Variants in RNGTT observed in about 807,000 individuals in gnomAD.
The protein encoded by RNGTT is RNA guanylyltransferase and 5'-phosphatase, also known as mRNA-capping enzyme.
In RNGTT, 33 loss-of-function variants were observed where a neutral mutation model predicts 79.3. The observed-to-expected ratio is 0.42, with a 90% CI of 0.32 to 0.56. The LOEUF (loss-of-function observed/expected upper bound fraction) is 0.56, where lower values mean the gene tolerates loss of function less well. Ranked by LOEUF, RNGTT falls within the 20% of genes least tolerant of loss-of-function variation. RNGTT has a pLI of 0.17. For synonymous variants in RNGTT, 222 were observed against 235.9 expected (o/e 0.94, Z 0.54); for missense variants, 497 against 739.1 (o/e 0.67, Z 3.80).
chr6:88,951,749 A>G (rs1239067843), intron 1 of RNGTT, among the ~76,000 whole-genome samples: 1 of 152,210 alleles, frequency 6.6e-6, no homozygotes, highest in Non-Finnish European at 1.5e-5. Context: ...AGCAGCAGGA[A>G]GAGCCTTGTA....
chr6:88,789,301 C>T (rs1779327542), intron 12 of RNGTT, among the ~76,000 whole-genome samples: 1 of 152,144 alleles, frequency 6.6e-6, no homozygotes, highest in South Asian at 2.1e-4. Context: ...TACACTCACG[C>T]CTGTAATCTC....
chr6:88,956,023 A>G (rs1785418570), intron 1 of RNGTT, among the ~76,000 whole-genome samples: 1 of 141,318 alleles, frequency 7.1e-6, no homozygotes, highest in Admixed American at 7.1e-5. Context: ...CCTGGGTGAC[A>G]GAGCGAGACT....
chr6:88,617,867 T>A (rs950682604), intron 14 of RNGTT, among the ~76,000 whole-genome samples: 9 of 146,134 alleles, frequency 6.2e-5, no homozygotes, highest in African/African-American at 2.0e-4. Flanking sequence ...ACTGCTTAAT[T>A]AAAAAAAAAA....
chr6:88,952,572 A>G (rs1785286489), intron 1 of RNGTT, among the ~76,000 whole-genome samples: 1 of 152,244 alleles, frequency 6.6e-6, no homozygotes, highest in African/African-American at 2.4e-5. Context: ...AATAACAGCT[A>G]ATATACCACT....
intron 11 of RNGTT, among the ~76,000 whole-genome samples, chr6:88,806,575 A>C (rs1779963063): frequency 6.6e-6 from 1 of 152,078 alleles, no homozygotes; most frequent in Non-Finnish European, 1.5e-5. Context: ...TCGGCCTCCT[A>C]AAGTGCTGGG....
chr6:88,696,530 C>G (rs1196023155), intron 13 of RNGTT, among the ~76,000 whole-genome samples: 1 of 151,424 alleles, frequency 6.6e-6, no homozygotes, highest in African/African-American at 2.4e-5. Flanking sequence ...AATCTGAAAT[C>G]ATCTGAATCA....
In RNGTT at chr6:88,941,665, C is replaced by CT. The variant is rs776214733; in HGVS notation, c.65-486dup. On this transcript the variant is annotated intron_variant, in intron 1 of 15. Transcript: ENST00000369485. The stretch of plus-strand genomic sequence containing the variant: ...ACTTTTCAAAGATACTACCCTACAT[C>CT]TTTTTTTTTTTTTTTTGAGACGGAG... Among the ~76,000 whole-genome samples the CT allele has an allele frequency of 6.6e-3, 946 of 142,896 alleles. 3 individuals are homozygous for CT. Among genetic ancestry groups the CT allele is most frequent in the East Asian group, 0.012 (60 of 4,926 alleles). The allele number at this position is 142,896 out of a possible 152,430, so 93.7% of individuals were successfully genotyped here. A position where few individuals can be genotyped will look rare whatever the true frequency, so the allele number is the denominator to read the frequency against.
intron 13 of RNGTT, among the ~76,000 whole-genome samples, chr6:88,733,785 A>G (rs1270164696): frequency 6.6e-6 from 1 of 152,022 alleles, no homozygotes; most frequent in Non-Finnish European, 1.5e-5. Flanking sequence ...CATGCAAACA[A>G]GAAGACAGTG....
intron 13 of RNGTT, among the ~76,000 whole-genome samples, chr6:88,757,464 TA>T (rs1457105758): frequency 1.3e-5 from 2 of 152,208 alleles, no homozygotes; most frequent in African/African-American, 2.4e-5. Context: ...AATTATAATG[TA>T]AGGCTTCAAG....
chr6:88,635,719 C>A (rs1298365309), intron 14 of RNGTT, among the ~76,000 whole-genome samples: 1 of 151,938 alleles, frequency 6.6e-6, no homozygotes, highest in Non-Finnish European at 1.5e-5. Flanking sequence ...GGAGTTGATG[C>A]AGTTCTTTTA....
chr6:88,641,065 G>C (rs1242346032), intron 14 of RNGTT, among the ~76,000 whole-genome samples: 2 of 152,150 alleles, frequency 1.3e-5, no homozygotes, highest in Non-Finnish European at 2.9e-5. Context: ...GACCGGCCGG[G>C]TGCGGTGGCT....
intron 14 of RNGTT, among the ~76,000 whole-genome samples, chr6:88,654,869 A>C (rs899522879): frequency 4.6e-5 from 7 of 152,350 alleles, no homozygotes; most frequent in African/African-American, 1.7e-4. Flanking sequence ...AAGAAAAAGA[A>C]ACAAAACAAA....
At chr6:88,660,555 A>AAAAAAAAAAAAAAAAAAAAAAAAAAG (rs937133942) in intron 14 of RNGTT, among the ~76,000 whole-genome samples, 1 of 151,714 alleles carries the variant, frequency 6.6e-6, no homozygotes, top group African/African-American at 2.4e-5. Context: ...ATGGTAAAAA[A>AAAAAAAAAAAAAAAAAAAAAAAAAAG]AAAGAAAGAA....
chr6:88,723,163 C>T (rs183530676), intron 13 of RNGTT, among the ~76,000 whole-genome samples: 1 of 152,282 alleles, frequency 6.6e-6, no homozygotes, highest in African/African-American at 2.4e-5. Flanking sequence ...GTGTTACTGG[C>T]CCTGAAGACC....
chr6:88,801,488 G>GTATGTA (rs1166411092), intron 12 of RNGTT, 76 bp downstream of exon 12: 7 of 1,112,218 alleles, frequency 6.3e-6, no homozygotes, highest in Admixed American at 3.7e-5. Flanking sequence ...ATGTGTATGT[G>GTATGTA]TATGTATATG....
intron 10 of RNGTT, among the ~76,000 whole-genome samples, chr6:88,849,508 A>T (rs1781596138): frequency 6.6e-6 from 1 of 152,004 alleles, no homozygotes; most frequent in South Asian, 2.1e-4. Flanking sequence ...GTCTTATTTT[A>T]TCAGAGTTAT....
At chr6:88,848,695 C>T (rs1484324391) in intron 10 of RNGTT, among the ~76,000 whole-genome samples, 2 of 148,228 alleles carry the variant, frequency 1.3e-5, no homozygotes, top group Admixed American at 1.3e-4. Flanking sequence ...GTAAAAGTAT[C>T]TGAAACATTC....
chr6:88,647,894 C>T (rs964779833), intron 14 of RNGTT, among the ~76,000 whole-genome samples: 2 of 151,424 alleles, frequency 1.3e-5, no homozygotes, highest in Admixed American at 6.6e-5. Flanking sequence ...AGACACAAAA[C>T]AACGATGAAA....
chr6:88,736,517 G>A (rs896216460), intron 13 of RNGTT, among the ~76,000 whole-genome samples: 2 of 152,114 alleles, frequency 1.3e-5, no homozygotes, highest in Non-Finnish European at 2.9e-5. Context: ...CATTTAAGAG[G>A]AGATACCTAA....
Sources: gnomAD v4.1 joint callset for allele counts (sites outside exome capture counted in the v4.1 genomes callset) on GRCh38, gnomAD v4.1.1 for gene constraint, MANE v1.5 for transcripts, NCBI Gene and HGNC (gene_info 2026-07-23, HGNC 2026-07-21) for gene names.